Variants in MGMT observed in about 807,000 individuals in gnomAD.
MGMT encodes the protein O-6-methylguanine-DNA methyltransferase.
In MGMT, 14 loss-of-function variants were observed where a neutral mutation model predicts 15.9. The observed-to-expected ratio is 0.88, with a 90% confidence interval of 0.58 to 1.37. MGMT has a LOEUF of 1.37. MGMT is among the 40% of genes most tolerant of loss of function. The probability of loss-of-function intolerance (pLI) is 0.00; values close to 1 mark genes in which losing one functional copy is unlikely to be tolerated. For missense variants in MGMT, 282 were observed against 268.1 expected (o/e 1.05, Z -0.36); for synonymous variants, 130 against 118.2 (o/e 1.10, Z -0.65).
intron 2 of MGMT, among the ~76,000 whole-genome samples, chr10:129,582,232 G>T (rs549108739): frequency 3.4e-4 from 51 of 152,170 alleles, no homozygotes; most frequent in Non-Finnish European, 6.8e-4. Flanking sequence ...CCTTCTGCCC[G>T]ACATGTACTC....
intron 2 of MGMT, among the ~76,000 whole-genome samples, chr10:129,595,391 C>T (rs1335003494): frequency 1.3e-5 from 2 of 152,176 alleles, no homozygotes; most frequent in African/African-American, 2.4e-5. Context: ...CTTCTTTGTT[C>T]ATGCCCGTGA....
At chr10:129,587,804 G>A (rs1237947197) in intron 2 of MGMT, among the ~76,000 whole-genome samples, 1 of 151,980 alleles carries the variant, frequency 6.6e-6, no homozygotes, top group Non-Finnish European at 1.5e-5. Flanking sequence ...ATCCTTGTCT[G>A]TTAATTCTAA....
At chr10:129,548,794 C>T (rs1242743528) in intron 2 of MGMT, among the ~76,000 whole-genome samples, 22 of 152,112 alleles carry the variant, frequency 1.4e-4, no homozygotes, top group Admixed American at 1.4e-3. Context: ...GTGCAAGGAC[C>T]ATCAGGGCAA....
chr10:129,477,166 C>A (rs562183276), intron 1 of MGMT, among the ~76,000 whole-genome samples: 5 of 152,314 alleles, frequency 3.3e-5, no homozygotes, highest in East Asian at 1.9e-4. Flanking sequence ...CCGATCCCCA[C>A]GCAGACATGC....
At chr10:129,551,018 A>G (rs552972894) in intron 2 of MGMT, among the ~76,000 whole-genome samples, 240 of 152,286 alleles carry the variant, frequency 1.6e-3, no homozygotes, top group Non-Finnish European at 1.5e-3. Context: ...CATTTCGGGT[A>G]GGGCCCTGGG....
At chr10:129,720,956 C>G (rs1305657393) in intron 3 of MGMT, among the ~76,000 whole-genome samples, 1 of 148,374 alleles carries the variant, frequency 6.7e-6, no homozygotes, top group Non-Finnish European at 1.5e-5. Context: ...AAAAAAAAAG[C>G]AAGAAAAATA....
intron 1 of MGMT, among the ~76,000 whole-genome samples, chr10:129,490,949 C>G (rs780645063): frequency 6.6e-6 from 1 of 152,170 alleles, no homozygotes; most frequent in African/African-American, 2.4e-5. Flanking sequence ...TAGTAAAATA[C>G]TTTACAAAAT....
At chr10:129,498,965 A>G (rs1328651822) in intron 1 of MGMT, among the ~76,000 whole-genome samples, 2 of 152,214 alleles carry the variant, frequency 1.3e-5, no homozygotes, top group Non-Finnish European at 2.9e-5. Flanking sequence ...AAAAACTGCA[A>G]GTTCATCTGA....
intron 1 of MGMT, among the ~76,000 whole-genome samples, chr10:129,477,177 T>C (rs1229480497): frequency 6.6e-6 from 1 of 152,170 alleles, no homozygotes; most frequent in Non-Finnish European, 1.5e-5. Flanking sequence ...GCAGACATGC[T>C]CTGCTGCCCT....
chr10:129,551,136 A>G (rs544034363), intron 2 of MGMT, among the ~76,000 whole-genome samples: 2 of 152,350 alleles, frequency 1.3e-5, no homozygotes, highest in South Asian at 4.1e-4. Context: ...GAAGGAATTC[A>G]AAGAAATAGA....
intron 2 of MGMT, among the ~76,000 whole-genome samples, chr10:129,636,377 C>G (rs1397312190): frequency 6.6e-6 from 1 of 152,208 alleles, no homozygotes; most frequent in Non-Finnish European, 1.5e-5. Context: ...AATGTTGGCT[C>G]TGAAGAGATT....
chr10:129,646,320 G>A (rs1049899696), intron 2 of MGMT, among the ~76,000 whole-genome samples: 9 of 152,136 alleles, frequency 5.9e-5, no homozygotes, highest in African/African-American at 1.9e-4. Context: ...GTTGGCCTAT[G>A]AAGGAAGAGT....
chr10:129,650,957 G>A (rs1459553145), intron 2 of MGMT, among the ~76,000 whole-genome samples: 6 of 152,160 alleles, frequency 3.9e-5, no homozygotes, highest in Non-Finnish European at 7.3e-5. Flanking sequence ...ACTGCCCGAG[G>A]GCCGCAGTCC....
chr10:129,745,399 C>A (rs550542792), intron 3 of MGMT, among the ~76,000 whole-genome samples: 1 of 152,228 alleles, frequency 6.6e-6, no homozygotes, highest in South Asian at 2.1e-4. Flanking sequence ...CAGCCACGGC[C>A]TCTCCCCACC....
intron 2 of MGMT, among the ~76,000 whole-genome samples, chr10:129,660,154 C>T (rs1322261477): frequency 6.6e-6 from 1 of 152,178 alleles, no homozygotes; most frequent in Non-Finnish European, 1.5e-5. Context: ...TTTTTCATCT[C>T]CCTGCCAATT....
intron 2 of MGMT, among the ~76,000 whole-genome samples, chr10:129,545,478 T>C (rs1319719023): frequency 6.6e-6 from 1 of 152,220 alleles, no homozygotes; most frequent in African/African-American, 2.4e-5. Context: ...AGTTACGACA[T>C]GAGCTCGCAT....
intron 2 of MGMT, among the ~76,000 whole-genome samples, chr10:129,675,543 C>A (rs962429900): frequency 2.0e-5 from 3 of 152,136 alleles, no homozygotes; most frequent in Admixed American, 1.3e-4. Context: ...GGGGAGTCCC[C>A]ATCAGAAGGG....
chr10:129,745,903 T>C (rs146866345), intron 3 of MGMT, among the ~76,000 whole-genome samples: 1,708 of 152,248 alleles, frequency 0.011, 18 homozygotes, highest in Admixed American at 0.026. Context: ...TTTCCAAATA[T>C]TTTCTCCTAG....
chr10:129,673,780 G>T (rs1048908366), intron 2 of MGMT, among the ~76,000 whole-genome samples: 9 of 152,192 alleles, frequency 5.9e-5, no homozygotes, highest in African/African-American at 2.2e-4. Context: ...TATGTTTTAT[G>T]TGGTATTTAA....
Sources: allele counts gnomAD v4.1 joint callset (sites outside exome capture counted in the v4.1 genomes callset), GRCh38; gene constraint gnomAD v4.1.1; transcripts MANE v1.5; gene names NCBI Gene and HGNC (gene_info 2026-07-23, HGNC 2026-07-21).